The following ARHGAP10 variants were observed in gnomAD, a reference collection of about 807,000 sequenced individuals.
ARHGAP10 encodes rho GTPase-activating protein 10.
A neutral mutation model predicts 108.6 loss-of-function variants in ARHGAP10; 87 were observed. The observed-to-expected ratio is 0.80, with a 90% CI of 0.67 to 0.96. ARHGAP10 has a LOEUF of 0.96. ARHGAP10 is among the 40% of genes least tolerant of loss of function. ARHGAP10 has a pLI of 0.00. For synonymous variants in ARHGAP10, 347 were observed against 341.1 expected, an observed-to-expected ratio of 1.02 and a Z score of -0.19; for missense variants, 939 against 954.5, an observed-to-expected ratio of 0.98 and a Z score of 0.21.
intron 19 of ARHGAP10, among the ~76,000 whole-genome samples, chr4:148,044,780 T>C (rs1728801634): frequency 6.6e-6 from 1 of 152,180 alleles, no homozygotes; most frequent in African/African-American, 2.4e-5. Flanking sequence ...GATGATGTGG[T>C]CTTTGTTCCA....
chr4:147,817,103 G>A (rs1160902451), intron 1 of ARHGAP10, among the ~76,000 whole-genome samples: 3 of 152,122 alleles, frequency 2.0e-5, no homozygotes, highest in Non-Finnish European at 4.4e-5. Flanking sequence ...AAAGAATCTT[G>A]TATTCAGATT....
At chr4:148,047,652 C>G (rs1469197020) in intron 20 of ARHGAP10, among the ~76,000 whole-genome samples, 1 of 152,078 alleles carries the variant, frequency 6.6e-6, no homozygotes, top group Non-Finnish European at 1.5e-5. Flanking sequence ...GCTGTGTTGA[C>G]CAAGGCTGTG....
chr4:147,770,311 G>A (rs948869194), intron 1 of ARHGAP10, among the ~76,000 whole-genome samples: 1 of 152,150 alleles, frequency 6.6e-6, no homozygotes, highest in Non-Finnish European at 1.5e-5. Flanking sequence ...GATCATTGGA[G>A]GTCAGGAGTT....
intron 10 of ARHGAP10, among the ~76,000 whole-genome samples, chr4:147,904,034 C>T (rs1736354815): frequency 6.6e-6 from 1 of 152,106 alleles, no homozygotes; most frequent in Non-Finnish European, 1.5e-5. Context: ...TTGTAAGAAA[C>T]AACCAGACTT....
chr4:147,741,705 A>G (rs1728661325), intron 1 of ARHGAP10, among the ~76,000 whole-genome samples: 1 of 152,002 alleles, frequency 6.6e-6, no homozygotes, highest in African/African-American at 2.4e-5. Context: ...ATACACACAC[A>G]CACAGAGAAA....
chr4:147,958,221 CTGTATCATTTTGATAAGAG>C (rs1378273468), intron 16 of ARHGAP10, among the ~76,000 whole-genome samples: 1 of 152,176 alleles, frequency 6.6e-6, no homozygotes, highest in Non-Finnish European at 1.5e-5. Context: ...AAAGTCCTTG[CTGTATCATTTTGATAAGAG>C]TGGACTCATG....
chr4:147,785,683 ACT>A (rs1730863821), intron 1 of ARHGAP10, among the ~76,000 whole-genome samples: 1 of 152,138 alleles, frequency 6.6e-6, no homozygotes, highest in Non-Finnish European at 1.5e-5. Context: ...GAAGAAATGT[ACT>A]GCTAAGAGGA....
rs79823199 is a variant in ARHGAP10, at chr4:148,046,581, G to T, written c.1868-311G>T. On this transcript the variant is annotated intron_variant, in intron 19 of 22. Coordinates refer to ENST00000336498, the MANE Select transcript of ARHGAP10 (RefSeq NM_024605.4). ...CTTGGAGCTATTCTTGATTTCATTG[G>T]TTTATACCTGGACTCCGTATAGTGA... is the stretch of plus-strand genomic sequence containing the variant. Among the ~76,000 whole-genome samples the T allele has an allele frequency of 1.8e-3, 267 of 152,270 alleles. 1 individual carries two copies. The highest frequency in any genetic ancestry group is 6.2e-3 in the African/African-American group (256 of 41,544).
At chr4:147,842,289 G>C (rs1001640580) in intron 3 of ARHGAP10, among the ~76,000 whole-genome samples, 14 of 152,052 alleles carry the variant, frequency 9.2e-5, no homozygotes, top group Admixed American at 9.2e-4. Context: ...GGGCTCAGAC[G>C]GATATTGCAT....
At chr4:147,883,047 A>C (rs1735395085) in intron 10 of ARHGAP10, among the ~76,000 whole-genome samples, 1 of 152,192 alleles carries the variant, frequency 6.6e-6, no homozygotes. Flanking sequence ...TAGATGATAT[A>C]GTTGAGTCTC....
rs531708077 is a variant in ARHGAP10, at chr4:147,871,237, T to C, written c.703-3784T>C. Among the ~76,000 whole-genome samples, 4 of 152,042 alleles carry C rather than the reference T, an allele frequency of 2.6e-5. No individual in the cohort carries two copies. The East Asian group carries it at 5.8e-4, about 22-fold the overall frequency. On this transcript the variant is annotated intron_variant, in intron 7 of 22. Transcript: ENST00000336498. Reference sequence around the variant, plus strand: ...CCTCCCAAAGTGCTGGGATTATAGGTGTGAGCCACCACGTCCGGCCGTGTG... The same window carrying C: ...CCTCCCAAAGTGCTGGGATTATAGGCGTGAGCCACCACGTCCGGCCGTGTG...
intron 20 of ARHGAP10, among the ~76,000 whole-genome samples, chr4:148,053,069 C>T (rs542617116): frequency 1.4e-4 from 22 of 152,234 alleles, no homozygotes; most frequent in African/African-American, 4.8e-4. Flanking sequence ...TTGTAGATGA[C>T]GTTTCATCTT....
intron 3 of ARHGAP10, among the ~76,000 whole-genome samples, chr4:147,846,862 C>G (rs1214341710): frequency 3.9e-5 from 6 of 152,128 alleles, no homozygotes; most frequent in African/African-American, 7.2e-5. Context: ...TGATAGACCC[C>G]TTTGTTGTTT....
At chr4:147,767,478 A>C (rs1306047116) in intron 1 of ARHGAP10, among the ~76,000 whole-genome samples, 2 of 152,022 alleles carry the variant, frequency 1.3e-5, no homozygotes, top group African/African-American at 4.8e-5. Context: ...GAGGACTGAG[A>C]GTTACCTAAA....
intron 12 of ARHGAP10, 68 bp downstream of exon 12, chr4:147,909,845 T>C: frequency 6.8e-7 from 1 of 1,477,702 alleles, no homozygotes. Context: ...ACATTATGCA[T>C]GTCAAGCTGT....
chr4:147,812,677 A>G (rs1317925343), intron 1 of ARHGAP10, among the ~76,000 whole-genome samples: 2 of 152,222 alleles, frequency 1.3e-5, no homozygotes, highest in African/African-American at 2.4e-5. Context: ...GACATTGTAA[A>G]GAAAGGGCTT....
chr4:147,830,275 A>T (rs7678360), intron 3 of ARHGAP10, among the ~76,000 whole-genome samples: 2 of 152,204 alleles, frequency 1.3e-5, no homozygotes, highest in African/African-American at 4.8e-5. Flanking sequence ...AAGCTGCTGC[A>T]TACCAAAGGC....
At chr4:147,746,352 T>C (rs146129377) in intron 1 of ARHGAP10, among the ~76,000 whole-genome samples, 4 of 151,868 alleles carry the variant, frequency 2.6e-5, no homozygotes, top group African/African-American at 9.7e-5. Context: ...TCCGCCCGCC[T>C]TGGCCTCCCA....
At chr4:147,820,758 T>C (rs1369285937) in intron 1 of ARHGAP10, among the ~76,000 whole-genome samples, 1 of 151,930 alleles carries the variant, frequency 6.6e-6, no homozygotes, top group Non-Finnish European at 1.5e-5. Context: ...GTCCAGCTAA[T>C]TTTTGTAATT....
Sources: gnomAD v4.1 joint callset for allele counts (sites outside exome capture counted in the v4.1 genomes callset) on GRCh38, gnomAD v4.1.1 for gene constraint, MANE v1.5 for transcripts, NCBI Gene and HGNC (gene_info 2026-07-23, HGNC 2026-07-21) for gene names.